Variants in TBXAS1 observed in about 807,000 individuals in gnomAD.
TBXAS1 encodes thromboxane-A synthase.
A neutral mutation model predicts 60.7 loss-of-function variants in TBXAS1; 48 were observed. The ratio of observed to expected loss-of-function variants is 0.79; its 90% CI spans 0.63 to 1.01. The LOEUF is 1.01. Among genes scored for constraint, TBXAS1 ranks in the 50% least tolerant of loss-of-function variants. The pLI is 0.00. For synonymous variants in TBXAS1, 287 were observed against 269.7 expected, an observed-to-expected ratio of 1.06 and a Z score of -0.63; for missense variants, 685 against 686.3, an observed-to-expected ratio of 1.00 and a Z score of 0.02.
chr7:139,904,462 CT>C (rs1356046433), intron 3 of TBXAS1, among the ~76,000 whole-genome samples: 1 of 151,886 alleles, frequency 6.6e-6, no homozygotes, highest in African/African-American at 2.4e-5. Context: ...TTTTAGAATT[CT>C]TTTTTCTAAT....
intron 4 of TBXAS1, among the ~76,000 whole-genome samples, chr7:139,932,319 T>C (rs191710730): frequency 1.3e-5 from 2 of 152,246 alleles, no homozygotes; most frequent in Admixed American, 1.3e-4. Flanking sequence ...AAAGAGTCCT[T>C]GGAAGGCTTT....
At chr7:139,907,608 G>T (rs1489197755) in intron 3 of TBXAS1, among the ~76,000 whole-genome samples, 1 of 151,710 alleles carries the variant, frequency 6.6e-6, no homozygotes, top group Non-Finnish European at 1.5e-5. Context: ...TTAATATTTG[G>T]TAGAATTCTT....
chr7:139,982,910 C>G (rs1159296633), intron 9 of TBXAS1, among the ~76,000 whole-genome samples: 2 of 152,206 alleles, frequency 1.3e-5, no homozygotes, highest in Middle Eastern at 6.8e-3. Context: ...AACTTAGGTC[C>G]CCCAACTCCC....
chr7:140,002,751 G>A (rs3779131), intron 9 of TBXAS1, among the ~76,000 whole-genome samples: 4,909 of 151,906 alleles, frequency 0.032, 545 homozygotes, highest in East Asian at 0.25. Flanking sequence ...AAAAGGGAGA[G>A]CTGGTGCCCA....
intron 5 of TBXAS1, among the ~76,000 whole-genome samples, chr7:139,942,784 G>A (rs762648321): frequency 6.6e-6 from 1 of 152,158 alleles, no homozygotes; most frequent in Non-Finnish European, 1.5e-5. Context: ...CCGGCTCTCT[G>A]CCTAATTTTT....
At chr7:139,808,016 C>A (rs1797921686) in intron 4 of TBXAS1, among the ~76,000 whole-genome samples, 2 of 152,134 alleles carry the variant, frequency 1.3e-5, no homozygotes, top group African/African-American at 4.8e-5. Flanking sequence ...AGTATTTCCA[C>A]CTTACAGATA....
chr7:139,885,809 G>A (rs1030115033), intron 3 of TBXAS1, among the ~76,000 whole-genome samples: 2 of 152,104 alleles, frequency 1.3e-5, no homozygotes, highest in African/African-American at 4.8e-5. Context: ...TCTAAATCTT[G>A]TTACTCACAT....
At chr7:139,983,373 T>A (rs1232412408) in intron 9 of TBXAS1, among the ~76,000 whole-genome samples, 1 of 152,242 alleles carries the variant, frequency 6.6e-6, no homozygotes, top group Non-Finnish European at 1.5e-5. Flanking sequence ...TTGTTCTCCC[T>A]AATCTATGAA....
intron 3 of TBXAS1, among the ~76,000 whole-genome samples, chr7:139,898,515 C>T (rs908557588): frequency 2.9e-5 from 4 of 137,262 alleles, no homozygotes; most frequent in Non-Finnish European, 4.5e-5. Context: ...TTAGTAGAGA[C>T]GGGGTTTCGC....
In TBXAS1 at chr7:139,986,508, T is replaced by A. The variant is rs147191752; in HGVS notation, c.1135-20583T>A. Among the ~76,000 whole-genome samples, 1,509 of 151,840 alleles carry A rather than the reference T, an allele frequency of 9.9e-3. 14 individuals carry two copies. Among genetic ancestry groups the A allele is most frequent in the Middle Eastern group, 0.031 (9 of 294 alleles). On this transcript the variant is annotated intron_variant, in intron 9 of 12. Transcript: ENST00000448866. ...AACCCAATTTATAGTCTTTTATCCC[T>A]CACCCCCTTCCCACCTCTCCCCCCA...
intron 9 of TBXAS1, among the ~76,000 whole-genome samples, chr7:139,964,718 A>C (rs1238020670): frequency 6.6e-6 from 1 of 152,262 alleles, no homozygotes; most frequent in African/African-American, 2.4e-5. Flanking sequence ...CGGGAATTCC[A>C]TCGCCAATTG....
At chr7:139,984,923 G>A (rs185404767) in intron 9 of TBXAS1, among the ~76,000 whole-genome samples, 57 of 129,774 alleles carry the variant, frequency 4.4e-4, no homozygotes, top group Non-Finnish European at 5.5e-4. Flanking sequence ...AAAGAAAGAA[G>A]GAAAGAAAGA....
In TBXAS1 at chr7:139,952,598, C is replaced by A. The variant is rs1277747349; in HGVS notation, c.451-770C>A. On this transcript the variant is annotated intron_variant, in intron 5 of 12. Transcript: ENST00000448866. ...AGAGAATAAAAGGTCACATGGGTGG[C>A]CAGCAGGCTCCACAAAGAATTCCAC... 3 of 1,537,206 alleles carry A rather than the reference C, an allele frequency of 2.0e-6. No homozygotes were observed. The highest frequency in any genetic ancestry group is 2.0e-5 in the Admixed American group (1 of 50,994).
At chr7:139,865,069 C>T (rs1055339864) in intron 1 of TBXAS1, among the ~76,000 whole-genome samples, 1 of 152,178 alleles carries the variant, frequency 6.6e-6, no homozygotes, top group African/African-American at 2.4e-5. Context: ...ACTACTGATA[C>T]GTGAGTGAGT....
intron 9 of TBXAS1, among the ~76,000 whole-genome samples, chr7:139,981,215 C>G (rs1811951952): frequency 6.6e-6 from 1 of 152,178 alleles, no homozygotes; most frequent in African/African-American, 2.4e-5. Context: ...TCAAGTGATT[C>G]TCCTGCCTCA....
chr7:139,980,526 TGTTTCTC>T (rs1811887441), intron 9 of TBXAS1, among the ~76,000 whole-genome samples: 1 of 152,076 alleles, frequency 6.6e-6, no homozygotes, highest in Admixed American at 6.5e-5. Flanking sequence ...GAAAGAAACA[TGTTTCTC>T]TCCCTTGGAA....
rs1274193170 is a variant in TBXAS1 at position 139,951,895 on chromosome 7, G to A, written c.451-1473G>A. On this transcript the variant is annotated intron_variant, in intron 5 of 12. Coordinates refer to ENST00000448866, the MANE Select transcript of TBXAS1 (RefSeq NM_001061.7). ...GGAAGGAAGGAAAGAAGGAAGGAAG[G>A]AAGGAAAGAAAGAGAAAGAAAGAGA... is the stretch of plus-strand genomic sequence containing the variant. Among the ~76,000 whole-genome samples the A allele has an allele frequency of 7.7e-3, 229 of 29,796 alleles. 16 individuals carry two copies. Among genetic ancestry groups the A allele is most frequent in the African/African-American group, 0.033 (218 of 6,630 alleles). The allele number at this position is 29,796 out of a possible 152,430, so 19.5% of individuals were successfully genotyped here. A position where few individuals can be genotyped will look rare whatever the true frequency, so the allele number is the denominator to read the frequency against.
At chr7:139,921,563 C>T (rs1365941711) in intron 4 of TBXAS1, among the ~76,000 whole-genome samples, 1 of 152,070 alleles carries the variant, frequency 6.6e-6, no homozygotes, top group Non-Finnish European at 1.5e-5. Context: ...ATTAGCCAGG[C>T]CCCGTGGTGT....
At chr7:139,911,420 C>G in intron 4 of TBXAS1, 99 bp downstream of exon 4, 1 of 1,104,058 alleles carries the variant, frequency 9.1e-7, no homozygotes, top group Non-Finnish European at 1.4e-6. Flanking sequence ...GGCCTCTGAT[C>G]AGGTTTATGT....
Sources: allele counts gnomAD v4.1 joint callset (sites outside exome capture counted in the v4.1 genomes callset), GRCh38; gene constraint gnomAD v4.1.1; transcripts MANE v1.5; gene names NCBI Gene and HGNC (gene_info 2026-07-23, HGNC 2026-07-21).